The following HTR7 variants were observed in gnomAD, a reference collection of about 807,000 sequenced individuals.
The protein encoded by HTR7 is 5-hydroxytryptamine receptor 7.
Under a neutral mutation model 34.0 loss-of-function variants are expected in HTR7, and 16 were observed. The observed-to-expected ratio is 0.47, with a 90% CI of 0.32 to 0.71. The LOEUF (loss-of-function observed/expected upper bound fraction) is 0.71. Among genes scored for constraint, HTR7 ranks in the 30% least tolerant of loss-of-function variants. HTR7 has a pLI of 0.04. For synonymous variants in HTR7, 265 were observed against 260.2 expected, an observed-to-expected ratio of 1.02 and a Z score of -0.18; for missense variants, 504 against 625.5, an observed-to-expected ratio of 0.81 and a Z score of 2.07.
intron 1 of HTR7, among the ~76,000 whole-genome samples, chr10:90,772,291 G>C (rs1845128321): frequency 1.3e-5 from 2 of 151,622 alleles, no homozygotes; most frequent in Non-Finnish European, 1.5e-5. Context: ...TTTTAAAATG[G>C]AATCATTATA....
intron 2 of HTR7, among the ~76,000 whole-genome samples, chr10:90,745,345 C>T (rs966409645): frequency 1.9e-4 from 29 of 152,190 alleles, no homozygotes; most frequent in African/African-American, 5.5e-4. Flanking sequence ...AACAAGCTCC[C>T]TCAGGCCTCT....
rs552309315 is a variant in HTR7 at position 90,778,036 on chromosome 10, G to T, written c.540-28442C>A. On this transcript the variant is annotated intron_variant, in intron 1 of 3. Transcript: ENST00000336152. ...TCAATCTTCCATTTCCCCTAAAGTT[G>T]ATTCTAACTAGCTGAACCATGGATT... 3.3e-5 allele frequency among the ~76,000 whole-genome samples: 5 copies of T among 152,230 alleles called. No individual in the cohort carries two copies. The South Asian group carries it at 8.3e-4, about 25-fold the overall frequency.
Position 90,857,791 on chromosome 10 carries a change from C to T in HTR7, c.-120G>A. 5 of 1,012,180 alleles carry T rather than the reference C, an allele frequency of 4.9e-6. No individual in the cohort carries two copies. The highest frequency in any genetic ancestry group is 6.5e-6 in the Non-Finnish European group (5 of 774,084). The allele number at this position is 1,012,180 out of a possible 1,614,324, so 62.7% of individuals were successfully genotyped here. ...CCCGGCCCAGCCATGGGGCCCGCGC[C>T]GACCGCTGGGGGGCGCCTGGCTCTG... On this transcript the variant is annotated 5_prime_UTR_variant, in exon 1 of 4. Coordinates refer to ENST00000336152, the MANE Select transcript of HTR7 (RefSeq NM_019859.4). This position sits in a 1 kb window ranked among gnomAD's most constrained non-coding sequence, Gnocchi z 6.5.
intron 1 of HTR7, among the ~76,000 whole-genome samples, chr10:90,803,761 T>C (rs1386096137): frequency 1.3e-5 from 2 of 152,174 alleles, no homozygotes; most frequent in Non-Finnish European, 2.9e-5. Flanking sequence ...TTAAGAGGAC[T>C]GCTTTGCACT....
chr10:90,808,811 G>A (rs189051364), intron 1 of HTR7, among the ~76,000 whole-genome samples: 1 of 152,096 alleles, frequency 6.6e-6, no homozygotes, highest in Admixed American at 6.6e-5. Context: ...ACTTTCTTCT[G>A]CAATGCCACT....
chr10:90,849,398 A>G (rs1846460543), intron 1 of HTR7, among the ~76,000 whole-genome samples: 1 of 152,238 alleles, frequency 6.6e-6, no homozygotes, highest in Non-Finnish European at 1.5e-5. Flanking sequence ...TTAGAATTAA[A>G]AAAAAAACAC....
intron 1 of HTR7, among the ~76,000 whole-genome samples, chr10:90,780,141 G>A (rs1047377262): frequency 1.3e-5 from 2 of 152,202 alleles, no homozygotes; most frequent in African/African-American, 4.8e-5. Context: ...AGCACATTGA[G>A]AGGCTGAGGC....
intron 1 of HTR7, among the ~76,000 whole-genome samples, chr10:90,805,477 C>G (rs566228590): frequency 4.9e-4 from 74 of 152,324 alleles, no homozygotes; most frequent in African/African-American, 1.7e-3. Flanking sequence ...ACAGGGAAGA[C>G]AGTGTCTTAA....
intron 1 of HTR7, among the ~76,000 whole-genome samples, chr10:90,825,574 T>C (rs181417926): frequency 2.1e-4 from 32 of 152,278 alleles, no homozygotes; most frequent in African/African-American, 7.5e-4. Flanking sequence ...GAATTCAAAA[T>C]AGCAGTTTTG....
At chr10:90,800,730 T>G (rs1845612638) in intron 1 of HTR7, among the ~76,000 whole-genome samples, 1 of 152,214 alleles carries the variant, frequency 6.6e-6, no homozygotes, top group South Asian at 2.1e-4. Flanking sequence ...ATCATTTGTC[T>G]CACTGCTGTC....
intron 1 of HTR7, among the ~76,000 whole-genome samples, chr10:90,821,882 A>G (rs1274352747): frequency 8.6e-6 from 1 of 115,938 alleles, no homozygotes; most frequent in African/African-American, 3.7e-5. Context: ...TGGCAATGGG[A>G]AAGACATGCT....
intron 1 of HTR7, among the ~76,000 whole-genome samples, chr10:90,798,642 A>T (rs764446826): frequency 3.9e-5 from 6 of 152,160 alleles, no homozygotes; most frequent in Non-Finnish European, 7.4e-5. Context: ...TTAGCCCAGG[A>T]GGTTGAGGCT....
chr10:90,760,155 T>A (rs1225195695), intron 1 of HTR7, among the ~76,000 whole-genome samples: 1 of 152,204 alleles, frequency 6.6e-6, no homozygotes, highest in African/African-American at 2.4e-5. Context: ...GTGGTGTATA[T>A]ACACAATTAA....
intron 1 of HTR7, among the ~76,000 whole-genome samples, chr10:90,778,225 T>C (rs928961905): frequency 2.6e-5 from 4 of 152,204 alleles, no homozygotes; most frequent in Admixed American, 6.5e-5. Context: ...TGTGGCAGTA[T>C]TGAAAGGTCC....
chr10:90,853,493 G>T lies in HTR7; in HGVS notation c.539+3640C>A, dbSNP rs529226110. The stretch of plus-strand genomic sequence containing the variant: ...TTCTTTTTTTTTTTTCCGTAGAGAT[G>T]GGAGTCTCCCTGTGTTGCCCAGGCT... On this transcript the variant is annotated intron_variant, in intron 1 of 3. Transcript: ENST00000336152. Among the ~76,000 whole-genome samples the T allele has an allele frequency of 3.4e-5, 5 of 149,222 alleles. No homozygotes were observed. The East Asian group carries it at 9.8e-4, about 29-fold the overall frequency.
chr10:90,818,237 T>C (rs544787385), intron 1 of HTR7, among the ~76,000 whole-genome samples: 18 of 152,234 alleles, frequency 1.2e-4, no homozygotes, highest in South Asian at 2.1e-4. Flanking sequence ...AATGTAACAC[T>C]GTTATCACAA....
At position 90,752,668 on chromosome 10, in the gene HTR7, A is replaced by C. The variant is rs1280350639; in HGVS notation, c.540-3074T>G. Among the ~76,000 whole-genome samples, 3 of 152,280 alleles carry C rather than the reference A, an allele frequency of 2.0e-5. No homozygotes were observed. The East Asian group carries it at 5.8e-4, about 29-fold the overall frequency. On this transcript the variant is annotated intron_variant, in intron 1 of 3. Coordinates refer to ENST00000336152, the MANE Select transcript of HTR7 (RefSeq NM_019859.4). ...AAAGCCCCAAAATAATTATTCAAAA[A>C]GATATCAATAAAACAAGATAGGTTC...
chr10:90,794,715 C>G (rs1341013359), intron 1 of HTR7, among the ~76,000 whole-genome samples: 2 of 152,112 alleles, frequency 1.3e-5, no homozygotes, highest in Non-Finnish European at 2.9e-5. Flanking sequence ...GTTGCCTAAG[C>G]TGATCTCAAA....
intron 1 of HTR7, among the ~76,000 whole-genome samples, chr10:90,781,656 A>G (rs1845306969): frequency 6.6e-6 from 1 of 152,220 alleles, no homozygotes; most frequent in Non-Finnish European, 1.5e-5. Context: ...CAAACATTTT[A>G]TCTTGTTATA....
Sources: gnomAD v4.1 joint callset for allele counts (sites outside exome capture counted in the v4.1 genomes callset) on GRCh38, gnomAD v4.1.1 for gene constraint, Gnocchi (gnomAD v3.1) non-coding constraint, MANE v1.5 for transcripts, NCBI Gene and HGNC (gene_info 2026-07-23, HGNC 2026-07-21) for gene names.